The following ZBTB44 variants were observed in gnomAD, a reference collection of about 807,000 sequenced individuals.
ZBTB44 encodes the protein zinc finger and BTB domain containing 44, also known as zinc finger and BTB domain-containing protein 44.
In ZBTB44, 15 loss-of-function variants were observed where a neutral mutation model predicts 54.0. The observed-to-expected ratio is 0.28, with a 90% CI of 0.19 to 0.43. The LOEUF (loss-of-function observed/expected upper bound fraction) is 0.43, where lower values mean the gene tolerates loss of function less well. ZBTB44 is among the 20% of genes least tolerant of loss of function. The pLI is 1.00. For missense variants in ZBTB44, 487 were observed against 707.1 expected, an observed-to-expected ratio of 0.69 and a Z score of 3.53; for synonymous variants, 230 against 250.1, an observed-to-expected ratio of 0.92 and a Z score of 0.76.
intron 2 of ZBTB44, among the ~76,000 whole-genome samples, chr11:130,244,759 C>T (rs1234389324): frequency 6.6e-6 from 1 of 151,630 alleles, no homozygotes; most frequent in African/African-American, 2.4e-5. Flanking sequence ...GTATCATCTG[C>T]TAATGAACAT....
intron 5 of ZBTB44, chr11:130,236,137 T>C: frequency 1.6e-6 from 2 of 1,286,948 alleles, no homozygotes; most frequent in Non-Finnish European, 2.0e-6. Flanking sequence ...GTTTCAAGCT[T>C]TTTCATGTGT....
rs1953745424 is a variant in ZBTB44, at chr11:130,227,815, C to A, written c.*3949G>T. On this transcript the variant is annotated 3_prime_UTR_variant, in exon 8 of 8. Coordinates refer to ENST00000357899, the MANE Select transcript of ZBTB44 (RefSeq NM_001301098.2). ...TTCAAATCTGTGTCCTTTAACCAAA[C>A]AACAGTTTCTTCTATCACTTAATTC... The A allele has an allele frequency of 6.6e-6, 1 of 152,078 alleles. No homozygotes were observed. Among genetic ancestry groups the A allele is most frequent in the Non-Finnish European group, 1.5e-5 (1 of 68,010 alleles). The allele number at this position is 152,078 out of a possible 1,614,324, so 9.4% of individuals were successfully genotyped here. A position where few individuals can be genotyped will look rare whatever the true frequency, so the allele number is the denominator to read the frequency against.
At chr11:130,304,209 G>C (rs966744622) in intron 1 of ZBTB44, among the ~76,000 whole-genome samples, 3 of 152,068 alleles carry the variant, frequency 2.0e-5, no homozygotes, top group Non-Finnish European at 4.4e-5. Flanking sequence ...TAGCTTAACA[G>C]GAGATAAATT....
intron 1 of ZBTB44, among the ~76,000 whole-genome samples, chr11:130,300,922 G>A (rs1016464813): frequency 2.0e-5 from 3 of 152,278 alleles, no homozygotes; most frequent in Non-Finnish European, 2.9e-5. Context: ...GGGGTCAGGC[G>A]AGGATACTGA....
At chr11:130,278,134 T>C (rs1940241192) in intron 1 of ZBTB44, among the ~76,000 whole-genome samples, 1 of 152,240 alleles carries the variant, frequency 6.6e-6, no homozygotes, top group African/African-American at 2.4e-5. Context: ...TATGGAATTA[T>C]ATCCAATAAG....
At chr11:130,286,667 T>C (rs1940985455) in intron 1 of ZBTB44, among the ~76,000 whole-genome samples, 1 of 152,242 alleles carries the variant, frequency 6.6e-6, no homozygotes, top group Non-Finnish European at 1.5e-5. Context: ...AGGCTTTGAG[T>C]ATTTCACATT....
intron 1 of ZBTB44, among the ~76,000 whole-genome samples, chr11:130,299,637 T>TAA (rs58746791): frequency 2.9e-4 from 40 of 139,106 alleles, no homozygotes; most frequent in Admixed American, 9.4e-4. Context: ...AATGTAATAG[T>TAA]AAAAAAAAAA....
At chr11:130,293,792 A>G (rs1325851062) in intron 1 of ZBTB44, among the ~76,000 whole-genome samples, 1 of 152,044 alleles carries the variant, frequency 6.6e-6, no homozygotes, top group Non-Finnish European at 1.5e-5. Context: ...GCGAAATTCC[A>G]TCTCAAAACA....
At chr11:130,238,242 TAATCAGA>T (rs1453037633) in intron 4 of ZBTB44, among the ~76,000 whole-genome samples, 195 bp downstream of exon 4, 3 of 152,250 alleles carry the variant, frequency 2.0e-5, no homozygotes, top group African/African-American at 7.2e-5. Context: ...TATGTTCTTT[TAATCAGA>T]ATACTCAACA....
At chr11:130,295,630 TA>T (rs34581431) in intron 1 of ZBTB44, 6,372 of 752,790 alleles carry the variant, frequency 8.5e-3, no homozygotes, top group East Asian at 0.013. Flanking sequence ...ACTCTGAAGT[TA>T]AAAAAAAAAA....
At chr11:130,291,680 T>C (rs1347186248) in intron 1 of ZBTB44, among the ~76,000 whole-genome samples, 3 of 152,232 alleles carry the variant, frequency 2.0e-5, no homozygotes, top group Middle Eastern at 3.2e-3. Context: ...CTGTGTTTGA[T>C]AGCATATCAA....
chr11:130,256,832 C>T (rs1202828876), intron 2 of ZBTB44, among the ~76,000 whole-genome samples: 6 of 151,854 alleles, frequency 4.0e-5, no homozygotes, highest in African/African-American at 1.5e-4. Context: ...CTTTGAAAAC[C>T]GGCACAAGAC....
At chr11:130,278,974 A>G (rs141366780) in intron 1 of ZBTB44, among the ~76,000 whole-genome samples, 3 of 152,220 alleles carry the variant, frequency 2.0e-5, no homozygotes, top group African/African-American at 7.2e-5. Flanking sequence ...TGCATGAGTC[A>G]TAATTTCTTT....
At chr11:130,313,616 G>C (rs1232974488) in intron 1 of ZBTB44, among the ~76,000 whole-genome samples, 2 of 152,130 alleles carry the variant, frequency 1.3e-5, no homozygotes, top group Non-Finnish European at 2.9e-5. Flanking sequence ...AAAGCATTAA[G>C]AAAATAAGTG....
At chr11:130,255,085 GA>G (rs1938328104) in intron 2 of ZBTB44, among the ~76,000 whole-genome samples, 1 of 109,864 alleles carries the variant, frequency 9.1e-6, no homozygotes, top group African/African-American at 3.5e-5. Context: ...GGGGCGGGGG[GA>G]GGGGGAAGGG....
intron 1 of ZBTB44, among the ~76,000 whole-genome samples, chr11:130,290,799 T>C (rs1039065179): frequency 3.9e-5 from 6 of 152,182 alleles, no homozygotes; most frequent in East Asian, 3.8e-4. Context: ...TCCCATTACA[T>C]TGATGGGGAA....
intron 1 of ZBTB44, chr11:130,296,218 A>ATGATAAAGCTAATACAAC (rs1451973753): frequency 3.1e-6 from 4 of 1,293,530 alleles, no homozygotes; most frequent in Non-Finnish European, 4.4e-6. Flanking sequence ...AGTGTTGATG[A>ATGATAAAGCTAATACAAC]TGATAAAGCT....
At chr11:130,246,520 G>A (rs1055491275) in intron 2 of ZBTB44, among the ~76,000 whole-genome samples, 10 of 151,952 alleles carry the variant, frequency 6.6e-5, no homozygotes, top group Non-Finnish European at 1.3e-4. Context: ...AGACAGAGTC[G>A]ACTCTCTCCC....
chr11:130,299,079 T>C (rs528622392), intron 1 of ZBTB44, among the ~76,000 whole-genome samples: 2 of 151,784 alleles, frequency 1.3e-5, no homozygotes, highest in East Asian at 2.0e-4. Context: ...TGAGACCCTG[T>C]CTCAAAACAT....
Sources: gnomAD v4.1 joint callset for allele counts (sites outside exome capture counted in the v4.1 genomes callset) on GRCh38, gnomAD v4.1.1 for gene constraint, MANE v1.5 for transcripts, NCBI Gene and HGNC (gene_info 2026-07-23, HGNC 2026-07-21) for gene names.